Variants in MBD5 observed in about 807,000 individuals in gnomAD.
The protein encoded by MBD5 is methyl-CpG-binding domain protein 5.
MBD5 carries 13 observed loss-of-function variants against 117.3 expected under a neutral mutation model. The observed-to-expected ratio is 0.11, with a 90% CI of 0.07 to 0.18. The LOEUF (loss-of-function observed/expected upper bound fraction) is 0.18. Among genes scored for constraint, MBD5 ranks in the 10% least tolerant of loss-of-function variants. The pLI is 1.00. For synonymous variants in MBD5, 727 were observed against 766.4 expected (o/e 0.95, Z 0.85); for missense variants, 1,879 against 2,093.8 (o/e 0.90, Z 2.00).
chr2:148,360,154 G>T (rs1236712638), intron 4 of MBD5, among the ~76,000 whole-genome samples: 3 of 152,036 alleles, frequency 2.0e-5, no homozygotes, highest in Non-Finnish European at 2.9e-5. Context: ...TAATCAAAAT[G>T]TATTATAAAC....
intron 4 of MBD5, among the ~76,000 whole-genome samples, chr2:148,435,456 C>A (rs1416294793): frequency 6.6e-6 from 1 of 152,136 alleles, no homozygotes; most frequent in African/African-American, 2.4e-5. Flanking sequence ...ATTCTCTTAG[C>A]ATTTGCTTGT....
chr2:148,424,205 A>AAAAC (rs1705705526), intron 4 of MBD5, among the ~76,000 whole-genome samples: 3 of 130,404 alleles, frequency 2.3e-5, no homozygotes, highest in African/African-American at 6.1e-5. Context: ...AAAAAAAAAA[A>AAAAC]AAAAAAAAAA....
chr2:148,323,366 T>C (rs1178531180), intron 3 of MBD5, among the ~76,000 whole-genome samples: 1 of 151,744 alleles, frequency 6.6e-6, no homozygotes. Context: ...TACCCAGTAA[T>C]GGGATGGCTG....
chr2:148,026,122 G>A (rs1693884629), intron 1 of MBD5: 1 of 152,126 alleles, frequency 6.6e-6, no homozygotes, highest in South Asian at 2.1e-4. Context: ...ACTCCTGAGT[G>A]GTGAATTCTG....
rs192135352 is a variant in MBD5, at chr2:148,302,576, G to C, written c.-679-39638G>C. On this transcript the variant is annotated intron_variant, in intron 3 of 13. Transcript: ENST00000642680. ...TAATTACATATAGATGTGGGACTTA[G>C]ATTGGATTATTTTTCTATGCAGATA... 3.1e-4 allele frequency among the ~76,000 whole-genome samples: 47 copies of C among 152,284 alleles called. 1 individual carries two copies. Among genetic ancestry groups the C allele is most frequent in the Admixed American group, 2.2e-3 (33 of 15,286 alleles).
chr2:148,224,730 G>T (rs1157770154), intron 2 of MBD5, among the ~76,000 whole-genome samples: 2 of 151,734 alleles, frequency 1.3e-5, no homozygotes, highest in Admixed American at 1.3e-4. Context: ...TTATAAATCT[G>T]GGTGTGTCAG....
chr2:148,050,567 AT>A (rs1694668789), intron 1 of MBD5, among the ~76,000 whole-genome samples: 2 of 151,900 alleles, frequency 1.3e-5, no homozygotes. Flanking sequence ...TGTCTCAATA[AT>A]TTTTTTCTTT....
At chr2:148,346,385 G>T (rs1703125035) in intron 4 of MBD5, 1 of 151,906 alleles carries the variant, frequency 6.6e-6, no homozygotes, top group Non-Finnish European at 1.5e-5. Context: ...CTTAAAAATG[G>T]AATCGGTAGA....
At chr2:148,345,114 G>A (rs1334485352) in intron 4 of MBD5, among the ~76,000 whole-genome samples, 3 of 151,594 alleles carry the variant, frequency 2.0e-5, no homozygotes, top group Non-Finnish European at 4.4e-5. Context: ...TTGATAATGG[G>A]GGAGGCAGTT....
chr2:148,463,354 A>C lies in MBD5; in HGVS notation c.217-385A>C, dbSNP rs547544487. On this transcript the variant is annotated intron_variant, in intron 6 of 13. Coordinates refer to ENST00000642680, the MANE Select transcript of MBD5 (RefSeq NM_001378120.1). ...GACAAGATAATATTAACGTAATAAT[A>C]AAATGAAGCCAAGGAAAAAGTTAAT... is the stretch of plus-strand genomic sequence containing the variant. Among the ~76,000 whole-genome samples the C allele has an allele frequency of 7.2e-5, 11 of 152,334 alleles. No individual in the cohort carries two copies. The South Asian group carries it at 2.3e-3, about 32-fold the overall frequency.
At chr2:148,171,376 C>T (rs1698258377) in intron 1 of MBD5, among the ~76,000 whole-genome samples, 2 of 152,110 alleles carry the variant, frequency 1.3e-5, no homozygotes, top group African/African-American at 2.4e-5. Context: ...GAGTGAAGGA[C>T]GTATGATCAT....
At chr2:148,353,631 A>G (rs1433400178) in intron 4 of MBD5, among the ~76,000 whole-genome samples, 1 of 152,030 alleles carries the variant, frequency 6.6e-6, no homozygotes, top group Admixed American at 6.6e-5. Context: ...CCCAGGTTGG[A>G]GTATAGTAGC....
rs773278945 is a variant in MBD5, at chr2:148,489,800, A to G, written c.4168A>G (p.Arg1390Gly). ...CATGGGAGGTGTTGATCATGATGGT[A>G]GGCTGAGGAATTCAAGAGGGGCTCG... Reference protein sequence around the residue: ...RNMGGVDHDGRLRNSRGARLP... With the variant: ...RNMGGVDHDGGLRNSRGARLP... Residue 1390 changes from arginine to glycine, a missense_variant, in exon 11 of 14, where the codon AGG becomes GGG. Transcript: ENST00000642680. 3 of 1,613,996 alleles carry G rather than the reference A, an allele frequency of 1.9e-6. No homozygotes were observed. In the Admixed American group the frequency reaches 5.0e-5, roughly 27 times the overall value.
At chr2:148,212,781 T>C (rs1699458180) in intron 2 of MBD5, among the ~76,000 whole-genome samples, 1 of 152,198 alleles carries the variant, frequency 6.6e-6, no homozygotes, top group Non-Finnish European at 1.5e-5. Context: ...AGCATATTCA[T>C]TTTTTCTAGG....
chr2:148,432,945 A>G (rs1402504879), intron 4 of MBD5, among the ~76,000 whole-genome samples: 1 of 152,048 alleles, frequency 6.6e-6, no homozygotes, highest in Non-Finnish European at 1.5e-5. Flanking sequence ...AAATCTGTAA[A>G]TTGTTTTCAG....
rs1436943242 is a variant in MBD5 at position 148,469,656 on chromosome 2, T to G, written c.1713T>G (p.Ala571=). 6.2e-7 allele frequency: 1 copy of G among 1,613,982 alleles called. No homozygotes were observed. The highest frequency in any genetic ancestry group is 1.7e-5 in the Admixed American group (1 of 60,006). Residue 571 remains alanine (A), a synonymous_variant, in exon 8 of 14, where the codon GCT becomes GCG. Coordinates refer to ENST00000642680, the MANE Select transcript of MBD5 (RefSeq NM_001378120.1). ...ATCAGATCTTGAACCAGCACAATGC[T>G]GCCTCCTTTCCAGCAAGTAGTTTAC... ...PLNQILNQHN[A]ASFPASSLLS... is the part of the protein sequence containing the mutation.
chr2:148,027,265 G>T (rs980572558), intron 1 of MBD5: 2 of 151,888 alleles, frequency 1.3e-5, no homozygotes, highest in African/African-American at 4.8e-5. Flanking sequence ...AAATATTTTG[G>T]TATAAGAATG....
chr2:148,313,014 T>G (rs1702069335), intron 3 of MBD5, among the ~76,000 whole-genome samples: 2 of 152,130 alleles, frequency 1.3e-5, no homozygotes, highest in African/African-American at 2.4e-5. Flanking sequence ...GCCTGTTCCT[T>G]CCTCTGGAAG....
intron 3 of MBD5, among the ~76,000 whole-genome samples, chr2:148,245,612 A>G (rs1700319440): frequency 1.3e-5 from 2 of 151,938 alleles, no homozygotes; most frequent in Admixed American, 1.3e-4. Context: ...ATATATATCT[A>G]TATATTACTT....
Sources: gnomAD v4.1 joint callset for allele counts (sites outside exome capture counted in the v4.1 genomes callset) on GRCh38, gnomAD v4.1.1 for gene constraint, MANE v1.5 for transcripts, NCBI Gene and HGNC (gene_info 2026-07-23, HGNC 2026-07-21) for gene names.